The following PPP1R16B variants were observed in gnomAD, a reference collection of about 807,000 sequenced individuals.
The protein encoded by PPP1R16B is protein phosphatase 1 regulatory inhibitor subunit 16B.
In PPP1R16B, 14 loss-of-function variants were observed where a neutral mutation model predicts 61.7. The observed-to-expected ratio is 0.23, with a 90% confidence interval of 0.15 to 0.35. PPP1R16B has a LOEUF of 0.35. PPP1R16B is among the 10% of genes least tolerant of loss of function. The probability of loss-of-function intolerance (pLI) is 1.00; values close to 1 mark genes in which losing one functional copy is unlikely to be tolerated. For missense variants in PPP1R16B, 547 were observed against 752.5 expected (o/e 0.73, Z 3.19); for synonymous variants, 266 against 305.3 (o/e 0.87, Z 1.34).
rs1212689052 is a variant in PPP1R16B, at chr20:38,918,073, C to G, written c.1195-84C>G. On this transcript the variant is annotated intron_variant, in intron 10 of 10. Transcript: ENST00000299824. This position sits in a 1 kb window ranked among gnomAD's most constrained non-coding sequence, Gnocchi z 5.3. Reference sequence around the variant, plus strand: ...AAAACAGATAGAGGAAAAGTCCAAACAATAATGCCCTCAGCAGAGAGACAG... The same window carrying G: ...AAAACAGATAGAGGAAAAGTCCAAAGAATAATGCCCTCAGCAGAGAGACAG... 3 of 1,526,804 alleles carry G rather than the reference C, an allele frequency of 2.0e-6. No individual in the cohort carries two copies. Among genetic ancestry groups the G allele is most frequent in the Non-Finnish European group, 1.8e-6 (2 of 1,123,560 alleles). The allele number at this position is 1,526,804 out of a possible 1,614,324, so 94.6% of individuals were successfully genotyped here.
At chr20:38,835,232 C>A (rs1450405836) in intron 1 of PPP1R16B, among the ~76,000 whole-genome samples, 1 of 152,194 alleles carries the variant, frequency 6.6e-6, no homozygotes, top group Non-Finnish European at 1.5e-5. Flanking sequence ...GTGATCAGAA[C>A]AAAAGAGGCT....
rs916682056 is a variant in PPP1R16B, at chr20:38,836,106, C to T, written c.181C>T (p.Arg61Cys). Residue 61 changes from arginine to cysteine, a missense_variant, in exon 2 of 11, where the codon CGC becomes TGC. By Grantham distance (180) the Arg-to-Cys change is radical. Transcript: ENST00000299824. Reference protein sequence around the residue: ...HERKRSTGGRRKKVSFEASVA... With the variant: ...HERKRSTGGRCKKVSFEASVA... ...GCGGAAGCGCAGCACGGGCGGCCGC[C>T]GCAAGAAAGTGTCCTTCGAGGCCAG... 5 of 1,612,438 alleles carry T rather than the reference C, an allele frequency of 3.1e-6. No homozygotes were observed. The highest frequency in any genetic ancestry group is 1.1e-5 in the South Asian group (1 of 91,072).
At chr20:38,902,904 G>A (rs1207353123) in intron 6 of PPP1R16B, 112 bp downstream of exon 6, 7 of 1,499,018 alleles carry the variant, frequency 4.7e-6, no homozygotes, top group East Asian at 2.3e-5. Flanking sequence ...TTGGACCTCC[G>A]CAAGAATCCT....
At chr20:38,887,483 G>A (rs1302706035) in intron 2 of PPP1R16B, among the ~76,000 whole-genome samples, 1 of 152,136 alleles carries the variant, frequency 6.6e-6, no homozygotes, top group Non-Finnish European at 1.5e-5. Flanking sequence ...AGCCATGGAA[G>A]GATTTTAACA....
chr20:38,874,741 G>T (rs73114235), intron 2 of PPP1R16B, among the ~76,000 whole-genome samples: 2 of 152,112 alleles, frequency 1.3e-5, no homozygotes, highest in Non-Finnish European at 2.9e-5. Flanking sequence ...AAAACCTGGG[G>T]TCAAGTTTGG....
chr20:38,867,581 T>C (rs990106386), intron 2 of PPP1R16B, among the ~76,000 whole-genome samples: 2 of 152,240 alleles, frequency 1.3e-5, no homozygotes, highest in Admixed American at 1.3e-4. Flanking sequence ...GCACAGTGCC[T>C]GGCACAGAGG....
At chr20:38,829,437 T>C (rs770000237) in intron 1 of PPP1R16B, among the ~76,000 whole-genome samples, 1 of 152,242 alleles carries the variant, frequency 6.6e-6, no homozygotes, top group Non-Finnish European at 1.5e-5. Context: ...TGTGGGCCCA[T>C]GTATCCCATT....
intron 1 of PPP1R16B, among the ~76,000 whole-genome samples, chr20:38,832,114 C>T (rs1321256258): frequency 6.6e-6 from 1 of 152,218 alleles, no homozygotes; most frequent in African/African-American, 2.4e-5. Context: ...TCCTTGAGAA[C>T]CCCGGGCAGA....
Position 38,876,646 on chromosome 20 carries a change from G to C in PPP1R16B, c.251-12949G>C, listed in dbSNP as rs77666190. 8.4e-3 allele frequency among the ~76,000 whole-genome samples: 1,275 copies of C among 152,136 alleles called. 18 individuals carry two copies. The highest frequency in any genetic ancestry group is 0.029 in the African/African-American group (1,215 of 41,484). ...ACCCCTGCACTCTCCAAACAAAATG[G>C]TTTGTATTATTGTTGCTATTTAACT... On this transcript the variant is annotated intron_variant, in intron 2 of 10. Coordinates refer to ENST00000299824, the MANE Select transcript of PPP1R16B (RefSeq NM_015568.4).
chr20:38,910,710 A>G (rs1013601139), intron 10 of PPP1R16B, among the ~76,000 whole-genome samples: 1 of 151,838 alleles, frequency 6.6e-6, no homozygotes. Context: ...ATTAAAAAAA[A>G]TTTTTGGCTG....
intron 1 of PPP1R16B, among the ~76,000 whole-genome samples, chr20:38,808,790 T>C (rs1036700703): frequency 1.3e-5 from 2 of 151,836 alleles, no homozygotes; most frequent in African/African-American, 4.8e-5. Flanking sequence ...TCCCAGCAGT[T>C]TGGGAGGCCA....
chr20:38,852,464 C>T (rs1425347970), intron 2 of PPP1R16B, among the ~76,000 whole-genome samples: 1 of 152,168 alleles, frequency 6.6e-6, no homozygotes, highest in Admixed American at 6.5e-5. Context: ...GTAGGCTGGT[C>T]AACCATGGTC....
chr20:38,845,805 T>C (rs2084932643), intron 2 of PPP1R16B, among the ~76,000 whole-genome samples: 2 of 152,228 alleles, frequency 1.3e-5, no homozygotes, highest in African/African-American at 2.4e-5. Context: ...AATCATGTGA[T>C]GAGATACAGA....
chr20:38,865,002 C>T (rs774259070), intron 2 of PPP1R16B, among the ~76,000 whole-genome samples: 11 of 152,202 alleles, frequency 7.2e-5, no homozygotes, highest in African/African-American at 1.7e-4. Context: ...CCGGTGGCCT[C>T]GGCCCTGGTT....
intron 2 of PPP1R16B, among the ~76,000 whole-genome samples, chr20:38,862,241 G>A (rs1300633683): frequency 1.3e-5 from 2 of 152,228 alleles, no homozygotes. Context: ...AGTCCTCATT[G>A]CTATGTTCAG....
chr20:38,861,673 C>CTTTTTT (rs869187206), intron 2 of PPP1R16B, among the ~76,000 whole-genome samples: 3 of 125,618 alleles, frequency 2.4e-5, no homozygotes, highest in African/African-American at 6.3e-5. Context: ...TGCAGTTCTT[C>CTTTTTT]TTTTTTTTTT....
At chr20:38,810,859 G>A (rs2084696428) in intron 1 of PPP1R16B, among the ~76,000 whole-genome samples, 1 of 152,164 alleles carries the variant, frequency 6.6e-6, no homozygotes, top group Non-Finnish European at 1.5e-5. Flanking sequence ...CACGTCTTGG[G>A]GGGCATCTCA....
Position 38,849,695 on chromosome 20 carries a change from A to AC in PPP1R16B, c.250+13521dup, listed in dbSNP as rs147286163. On this transcript the variant is annotated intron_variant, in intron 2 of 10. Transcript: ENST00000299824. ...CAACAACAACAACAACAAAAAAAAA[A>AC]CAAAAAACTGTTTGTTGAAGCATAA... 5.3e-3 allele frequency among the ~76,000 whole-genome samples: 775 copies of AC among 147,360 alleles called. 7 individuals are homozygous for AC. The highest frequency in any genetic ancestry group is 0.017 in the African/African-American group (660 of 39,836).
chr20:38,863,022 C>A (rs1402662575), intron 2 of PPP1R16B, among the ~76,000 whole-genome samples: 1 of 152,270 alleles, frequency 6.6e-6, no homozygotes, highest in Middle Eastern at 3.4e-3. Context: ...ACTTAGTTCC[C>A]TGGTGCTTGG....
Sources: allele counts gnomAD v4.1 joint callset (sites outside exome capture counted in the v4.1 genomes callset), GRCh38; gene constraint gnomAD v4.1.1; non-coding constraint Gnocchi (gnomAD v3.1); transcripts MANE v1.5; gene names NCBI Gene and HGNC (gene_info 2026-07-23, HGNC 2026-07-21).